The following SLCO2A1 variants were observed in gnomAD, a reference collection of about 807,000 sequenced individuals.
SLCO2A1 encodes matrin F/G 1.
SLCO2A1 carries 60 observed loss-of-function variants against 71.7 expected under a neutral mutation model. That is an observed-to-expected ratio of 0.84 (90% CI 0.68 to 1.04). The LOEUF (loss-of-function observed/expected upper bound fraction) is 1.04, where lower values mean the gene tolerates loss of function less well. Among genes scored for constraint, SLCO2A1 ranks in the 50% least tolerant of loss-of-function variants. SLCO2A1 has a pLI of 0.00. For synonymous variants in SLCO2A1, 308 were observed against 326.7 expected (o/e 0.94, Z 0.62); for missense variants, 745 against 813.4 (o/e 0.92, Z 1.02).
rs1439273826 is a variant in SLCO2A1 at position 133,951,210 on chromosome 3, T to G, written c.859A>C (p.Lys287Gln). 1.1e-5 allele frequency: 18 copies of G among 1,613,990 alleles called. No individual in the cohort carries two copies. The South Asian group carries it at 1.9e-4, about 17-fold the overall frequency. ...FFPRAMPIGA[K>Q]RAPATADEAR... ...GTCATGGGCTCTTGGAACCTTACCT[T>G]TGCTCCTATGGGCATTGCTCGAGGG... is the stretch of plus-strand genomic sequence containing the variant. The change falls in exon 6 of 14, where the codon AAG becomes CAG. Residue 287 changes from lysine to glutamine, a missense_variant and splice_region_variant. Physicochemically the swap from Lys to Gln is moderately conservative, Grantham distance 53 (BLOSUM62 1). Transcript: ENST00000310926.
At chr3:133,960,659 C>A (rs1219482645) in intron 3 of SLCO2A1, among the ~76,000 whole-genome samples, 1 of 152,116 alleles carries the variant, frequency 6.6e-6, no homozygotes, top group East Asian at 1.9e-4. Context: ...GTGAACGTAC[C>A]TTAATGCCAC....
chr3:133,935,356 T>C (rs972018099), intron 13 of SLCO2A1, among the ~76,000 whole-genome samples: 2 of 152,084 alleles, frequency 1.3e-5, no homozygotes, highest in African/African-American at 2.4e-5. Context: ...GGCAGGTTGG[T>C]CCCCCTGCCC....
intron 1 of SLCO2A1, among the ~76,000 whole-genome samples, chr3:134,029,173 C>T (rs1420303554): frequency 6.6e-6 from 1 of 152,106 alleles, no homozygotes; most frequent in East Asian, 1.9e-4. Context: ...CCCCCGCCCC[C>T]GTTGGCGGGA....
At chr3:133,990,955 C>T (rs1211311279) in intron 1 of SLCO2A1, among the ~76,000 whole-genome samples, 1 of 151,938 alleles carries the variant, frequency 6.6e-6, no homozygotes, top group Non-Finnish European at 1.5e-5. Flanking sequence ...ACTAAAAATA[C>T]AAAAATTAGC....
At chr3:133,983,168 T>C (rs1179703147) in intron 1 of SLCO2A1, among the ~76,000 whole-genome samples, 2 of 152,192 alleles carry the variant, frequency 1.3e-5, no homozygotes, top group Non-Finnish European at 2.9e-5. Flanking sequence ...GGCTGGATCC[T>C]AAAAGTGGAC....
chr3:134,029,526 T>TCACACACACACTCGCA (rs1373486653), intron 1 of SLCO2A1, among the ~76,000 whole-genome samples, 181 bp downstream of exon 1: 4 of 149,096 alleles, frequency 2.7e-5, no homozygotes, highest in African/African-American at 7.5e-5. Context: ...ACACACACGC[T>TCACACACACACTCGCA]CACACACACA....
chr3:133,946,349 G>A (rs1461144584), intron 9 of SLCO2A1, among the ~76,000 whole-genome samples: 1 of 152,066 alleles, frequency 6.6e-6, no homozygotes, highest in Non-Finnish European at 1.5e-5. Flanking sequence ...GTGGCACCCA[G>A]GAAAAATAAA....
intron 1 of SLCO2A1, among the ~76,000 whole-genome samples, chr3:133,994,941 CT>C (rs1934932119): frequency 6.6e-6 from 1 of 152,194 alleles, no homozygotes; most frequent in South Asian, 2.1e-4. Context: ...CCGTTTCCTA[CT>C]CTTTTCTTCT....
chr3:133,999,173 A>T (rs563958584), intron 1 of SLCO2A1, among the ~76,000 whole-genome samples: 1 of 152,288 alleles, frequency 6.6e-6, no homozygotes, highest in East Asian at 1.9e-4. Context: ...CAGGCCAGGC[A>T]TGGCTTACAT....
chr3:134,020,677 CTTTGGT>C (rs1241091450), intron 1 of SLCO2A1, among the ~76,000 whole-genome samples: 10 of 151,760 alleles, frequency 6.6e-5, no homozygotes, highest in Non-Finnish European at 1.2e-4. Flanking sequence ...TTTATCGGCA[CTTTGGT>C]TTTGGTTTTG....
chr3:134,022,693 G>T (rs1480704808), intron 1 of SLCO2A1, among the ~76,000 whole-genome samples: 1 of 152,100 alleles, frequency 6.6e-6, no homozygotes, highest in Non-Finnish European at 1.5e-5. Context: ...ATTAAAATTA[G>T]GTTTAACATT....
chr3:134,001,886 C>T (rs976098497), intron 1 of SLCO2A1, among the ~76,000 whole-genome samples: 1 of 152,166 alleles, frequency 6.6e-6, no homozygotes, highest in African/African-American at 2.4e-5. Flanking sequence ...TCCACCCCAC[C>T]GCCATGACCC....
intron 1 of SLCO2A1, among the ~76,000 whole-genome samples, chr3:134,009,603 G>A (rs1404990001): frequency 6.6e-6 from 1 of 152,250 alleles, no homozygotes; most frequent in Non-Finnish European, 1.5e-5. Context: ...CCACGCCCAT[G>A]AAGGGCGTAA....
chr3:133,965,828 G>A (rs932958321), intron 3 of SLCO2A1, among the ~76,000 whole-genome samples: 2 of 152,166 alleles, frequency 1.3e-5, no homozygotes, highest in Non-Finnish European at 2.9e-5. Flanking sequence ...GGAAGCAAAG[G>A]CTCTGGGCTA....
At chr3:133,982,719 G>A (rs1467715691) in intron 1 of SLCO2A1, among the ~76,000 whole-genome samples, 1 of 151,918 alleles carries the variant, frequency 6.6e-6, no homozygotes, top group Non-Finnish European at 1.5e-5. Context: ...CTTGGCTCAG[G>A]CCCTCACCAT....
intron 3 of SLCO2A1, among the ~76,000 whole-genome samples, chr3:133,967,568 G>T (rs147378731): frequency 7.4e-4 from 113 of 152,200 alleles, no homozygotes; most frequent in Non-Finnish European, 1.4e-3. Flanking sequence ...CTGCTCATCC[G>T]TTCAGGGCTC....
chr3:133,938,381 C>T (rs746710116), intron 12 of SLCO2A1, 48 bp downstream of exon 12: 1 of 1,530,066 alleles, frequency 6.5e-7, no homozygotes, highest in Non-Finnish European at 9.1e-7. Flanking sequence ...CTTCAGATGC[C>T]CCATCGCCTG....
chr3:133,979,708 C>T, intron 1 of SLCO2A1, 90 bp from the exon 2 acceptor site: 5 of 1,405,226 alleles, frequency 3.6e-6, no homozygotes, highest in Non-Finnish European at 4.8e-6. Context: ...GCAGGCTGAC[C>T]TCTGTTTCCT....
At chr3:134,023,942 C>T (rs998122996) in intron 1 of SLCO2A1, among the ~76,000 whole-genome samples, 1 of 152,210 alleles carries the variant, frequency 6.6e-6, no homozygotes, top group Non-Finnish European at 1.5e-5. Flanking sequence ...AGTCTGGCAC[C>T]CTGCGGGTCA....
Sources: gnomAD v4.1 joint callset for allele counts (sites outside exome capture counted in the v4.1 genomes callset) on GRCh38, gnomAD v4.1.1 for gene constraint, MANE v1.5 for transcripts, NCBI Gene and HGNC (gene_info 2026-07-23, HGNC 2026-07-21) for gene names.